Variants in DYNC2H1 observed in about 807,000 individuals in gnomAD.
DYNC2H1 encodes the protein dynein cytoplasmic 2 heavy chain 1.
A neutral mutation model predicts 570.0 loss-of-function variants in DYNC2H1; 410 were observed. That is an observed-to-expected ratio of 0.72 (90% CI 0.66 to 0.78). The LOEUF (loss-of-function observed/expected upper bound fraction) is 0.78, where lower values mean the gene tolerates loss of function less well. Ranked by LOEUF, DYNC2H1 falls within the 30% of genes least tolerant of loss-of-function variation. DYNC2H1 has a pLI of 0.00. For missense variants in DYNC2H1, 4,865 were observed against 5,046.4 expected, an observed-to-expected ratio of 0.96 and a Z score of 1.09; for synonymous variants, 1,688 against 1,677.6, an observed-to-expected ratio of 1.01 and a Z score of -0.15.
At chr11:103,266,163 A>G (rs1040299949) in intron 70 of DYNC2H1, among the ~76,000 whole-genome samples, 3 of 152,174 alleles carry the variant, frequency 2.0e-5, no homozygotes, top group Non-Finnish European at 4.4e-5. Context: ...TAGTGCGGTT[A>G]CAGTGGGATT....
chr11:103,467,700 G>A (rs1246472122), intron 87 of DYNC2H1, among the ~76,000 whole-genome samples: 2 of 152,172 alleles, frequency 1.3e-5, no homozygotes, highest in East Asian at 3.9e-4. Flanking sequence ...ACCACGCCCA[G>A]CTAATTTTTT....
At chr11:103,278,288 T>G (rs1301898588) in intron 70 of DYNC2H1, among the ~76,000 whole-genome samples, 1 of 152,224 alleles carries the variant, frequency 6.6e-6, no homozygotes, top group African/African-American at 2.4e-5. Flanking sequence ...ATCTGTTTTA[T>G]TCATTATTAG....
At chr11:103,136,704 A>C (rs949361324) in intron 17 of DYNC2H1, among the ~76,000 whole-genome samples, 1 of 152,086 alleles carries the variant, frequency 6.6e-6, no homozygotes, top group Non-Finnish European at 1.5e-5. Context: ...ATGTGTCTTT[A>C]TAGCAGCATG....
chr11:103,478,993 A>T lies in DYNC2H1; in HGVS notation c.12766-102A>T, dbSNP rs1945658680. 3.1e-6 allele frequency: 4 copies of T among 1,294,704 alleles called. No individual in the cohort carries two copies. In the Admixed American group the frequency reaches 7.0e-5, roughly 23 times the overall value. 80.2% of individuals were successfully genotyped at this position (1,294,704 alleles called of 1,614,324 possible). A position where few individuals can be genotyped will look rare whatever the true frequency, so the allele number is the denominator to read the frequency against. On this transcript the variant is annotated intron_variant, in intron 88 of 88. Transcript: ENST00000375735. ...GGGGTTCATCATATTAATTTGAAAC[A>T]TTTCATAATATAATATTAATATGTT...
rs551425828 is a variant in DYNC2H1, at chr11:103,167,704, A to G, written c.4763-1051A>G. Among the ~76,000 whole-genome samples the G allele has an allele frequency of 1.3e-3, 198 of 152,300 alleles. 2 individuals carry two copies. Among genetic ancestry groups the G allele is most frequent in the African/African-American group, 4.5e-3 (188 of 41,568 alleles). On this transcript the variant is annotated intron_variant, in intron 31 of 88. Coordinates refer to ENST00000375735, the MANE Select transcript of DYNC2H1 (RefSeq NM_001377.3). ...ATGTTGAATAATTTTGGATGATACCATGGATATTTTGAATATTATGTTATG... is the reference window on the plus strand; with the variant it reads ...ATGTTGAATAATTTTGGATGATACCGTGGATATTTTGAATATTATGTTATG...
At chr11:103,344,700 G>A (rs1244195264) in intron 82 of DYNC2H1, among the ~76,000 whole-genome samples, 1 of 152,098 alleles carries the variant, frequency 6.6e-6, no homozygotes, top group African/African-American at 2.4e-5. Context: ...CTTTGTTTTT[G>A]TAAGACTTCT....
chr11:103,303,257 A>G lies in DYNC2H1; in HGVS notation c.11256+4A>G, dbSNP rs1006922875. On this transcript the variant is annotated splice_donor_region_variant and intron_variant, in intron 76 of 88. Transcript: ENST00000375735. ...AAGCGGAGAGTGTTATCACCAGGTA[A>G]GTACATATTGTCCCGCTGTTTTTGT... The G allele has an allele frequency of 1.2e-6, 2 of 1,610,448 alleles. No homozygotes were observed. Among genetic ancestry groups the G allele is most frequent in the Non-Finnish European group, 1.7e-6 (2 of 1,177,710 alleles).
At chr11:103,297,517 T>G (rs113707354) in intron 75 of DYNC2H1, among the ~76,000 whole-genome samples, 1 of 152,134 alleles carries the variant, frequency 6.6e-6, no homozygotes, top group Non-Finnish European at 1.5e-5. Context: ...GGCTATGTAG[T>G]ATAACTTATT....
intron 83 of DYNC2H1, among the ~76,000 whole-genome samples, chr11:103,367,749 C>A (rs1940975528): frequency 6.6e-6 from 1 of 152,092 alleles, no homozygotes; most frequent in East Asian, 1.9e-4. Flanking sequence ...TGAACAACCT[C>A]TTTTTATCTT....
chr11:103,128,553 AAAG>A lies in DYNC2H1; in HGVS notation c.1858-353_1858-351del, dbSNP rs553809930. 4.8e-3 allele frequency among the ~76,000 whole-genome samples: 732 copies of A among 152,366 alleles called. 6 individuals are homozygous for A. The highest frequency in any genetic ancestry group is 7.9e-3 in the Non-Finnish European group (540 of 68,028). ...TAAATTATTGTAGCATATACTGAAA[AAAG>A]AAGGAGCAGATTTGGAGAAGTGCAG... On this transcript the variant is annotated intron_variant, in intron 12 of 88. Transcript: ENST00000375735.
chr11:103,323,082 G>A (rs1339099250), intron 81 of DYNC2H1, among the ~76,000 whole-genome samples: 1 of 152,198 alleles, frequency 6.6e-6, no homozygotes, highest in Non-Finnish European at 1.5e-5. Flanking sequence ...GGAAGTCAGA[G>A]GCCAAGTCTC....
chr11:103,236,417 T>G lies in DYNC2H1; in HGVS notation c.9710-13T>G. 4 of 1,479,922 alleles carry G rather than the reference T, an allele frequency of 2.7e-6. No individual in the cohort carries two copies. The highest frequency in any genetic ancestry group is 3.8e-6 in the Non-Finnish European group (4 of 1,058,820). The allele number at this position is 1,479,922 out of a possible 1,614,324, so 91.7% of individuals were successfully genotyped here. ...ATCGTTGTGAAGTATTATCAATATC[T>G]TCAACTTTTCAGAATTTGATCTGAG... On this transcript the variant is annotated splice_polypyrimidine_tract_variant and intron_variant, in intron 62 of 88. Coordinates refer to ENST00000375735, the MANE Select transcript of DYNC2H1 (RefSeq NM_001377.3).
At position 103,370,722 on chromosome 11, in the gene DYNC2H1, A is replaced by T. The variant is rs574389476; in HGVS notation, c.12156+12363A>T. ...TTCCAGATCTAGTCCAAGACCATCA[A>T]GGTGGCACCTCTATGAAGATGCAAG... On this transcript the variant is annotated intron_variant, in intron 83 of 88. Coordinates refer to ENST00000375735, the MANE Select transcript of DYNC2H1 (RefSeq NM_001377.3). 5.9e-5 allele frequency among the ~76,000 whole-genome samples: 9 copies of T among 152,342 alleles called. No individual in the cohort carries two copies. In the South Asian group the frequency reaches 1.9e-3, roughly 32 times the overall value.
chr11:103,354,447 C>A (rs1446858519), intron 82 of DYNC2H1, among the ~76,000 whole-genome samples: 1 of 152,048 alleles, frequency 6.6e-6, no homozygotes, highest in Non-Finnish European at 1.5e-5. Context: ...TTTATCCCAA[C>A]TTAAATATGA....
intron 87 of DYNC2H1, among the ~76,000 whole-genome samples, chr11:103,467,509 C>CTGTTTTGTTT (rs6144488): frequency 1.1e-4 from 16 of 149,296 alleles, no homozygotes; most frequent in African/African-American, 2.7e-4. Context: ...TTTGAAGGCA[C>CTGTTTTGTTT]TGTTTTGTTT....
At position 103,114,244 on chromosome 11, in the gene DYNC2H1, T is replaced by A; in HGVS notation, c.502+6T>A. 1.3e-6 allele frequency: 2 copies of A among 1,567,934 alleles called. No homozygotes were observed. The highest frequency in any genetic ancestry group is 1.9e-4 in the Middle Eastern group (1 of 5,232). On this transcript the variant is annotated splice_donor_region_variant and intron_variant, in intron 3 of 88. Transcript: ENST00000375735. Reference sequence around the variant, plus strand: ...TAAGGAAGATGACACACGAGGTATATAACCATAGCTTAATAAAAGAGAGTA... The same window carrying A: ...TAAGGAAGATGACACACGAGGTATAAAACCATAGCTTAATAAAAGAGAGTA...
rs1440514235 is a variant in DYNC2H1, at chr11:103,177,256, T to C, written c.5875-300T>C. On this transcript the variant is annotated intron_variant, in intron 37 of 88. Coordinates refer to ENST00000375735, the MANE Select transcript of DYNC2H1 (RefSeq NM_001377.3). The surrounding 1 kb of genome is among the most constrained non-coding windows in gnomAD (Gnocchi z 4.4). ...ATGAATAAGTGAATAAAATAATGAA[T>C]ATATTTGAATGAGTGAATGAGTGGA... Among the ~76,000 whole-genome samples the C allele has an allele frequency of 6.6e-6, 1 of 152,138 alleles. No homozygotes were observed. Among genetic ancestry groups the C allele is most frequent in the East Asian group, 1.9e-4 (1 of 5,202 alleles).
At position 103,249,697 on chromosome 11, in the gene DYNC2H1, A is replaced by G. The variant is rs1352448519; in HGVS notation, c.10043-3588A>G. On this transcript the variant is annotated intron_variant, in intron 65 of 88. Transcript: ENST00000375735. The surrounding 1 kb of genome is among the most constrained non-coding windows in gnomAD (Gnocchi z 4.6). ...AACATAAATCATTTCATAAAACACCAACATCAGAGAGGTCACTCTGACTGC... is the reference window on the plus strand; with the variant it reads ...AACATAAATCATTTCATAAAACACCGACATCAGAGAGGTCACTCTGACTGC... 6.6e-6 allele frequency among the ~76,000 whole-genome samples: 1 copy of G among 152,052 alleles called. No individual in the cohort carries two copies. Among genetic ancestry groups the G allele is most frequent in the African/African-American group, 2.4e-5 (1 of 41,424 alleles).
rs1477706979 is a variant in DYNC2H1 at position 103,299,495 on chromosome 11, G to A, written c.11096-3598G>A. 2.6e-5 allele frequency among the ~76,000 whole-genome samples: 4 copies of A among 152,074 alleles called. No homozygotes were observed. The highest frequency in any genetic ancestry group is 6.6e-5 in the Admixed American group (1 of 15,244). On this transcript the variant is annotated intron_variant, in intron 75 of 88. Transcript: ENST00000375735. The surrounding 1 kb of genome is among the most constrained non-coding windows in gnomAD (Gnocchi z 4.5). ...TTCAGCCCTATTCAGTTTTAGGAGT[G>A]AGGTCCCCATTTTCTTTCTGTCTTT...
Sources: gnomAD v4.1 joint callset for allele counts (sites outside exome capture counted in the v4.1 genomes callset) on GRCh38, gnomAD v4.1.1 for gene constraint, Gnocchi (gnomAD v3.1) non-coding constraint, MANE v1.5 for transcripts, NCBI Gene and HGNC (gene_info 2026-07-23, HGNC 2026-07-21) for gene names.